Variants in CCDC141 observed in about 807,000 individuals in gnomAD.
CCDC141 encodes the protein coiled-coil domain-containing protein 141.
In CCDC141, 168 loss-of-function variants were observed where a neutral mutation model predicts 181.0. That is an observed-to-expected ratio of 0.93 (90% CI 0.82 to 1.05). CCDC141 has a LOEUF of 1.05. CCDC141 is among the 50% of genes least tolerant of loss of function. CCDC141 has a pLI of 0.00. For missense variants in CCDC141, 1,902 were observed against 1,788.5 expected, an observed-to-expected ratio of 1.06 and a Z score of -1.14; for synonymous variants, 666 against 642.3, an observed-to-expected ratio of 1.04 and a Z score of -0.56.
At chr2:179,008,608 C>A (rs949249225) in intron 2 of CCDC141, among the ~76,000 whole-genome samples, 1 of 152,092 alleles carries the variant, frequency 6.6e-6, no homozygotes, top group African/African-American at 2.4e-5. Flanking sequence ...GTAAAAGCTG[C>A]GAATCTCTTC....
At chr2:178,973,820 T>C (rs986694166) in intron 4 of CCDC141, among the ~76,000 whole-genome samples, 1 of 152,178 alleles carries the variant, frequency 6.6e-6, no homozygotes, top group Admixed American at 6.5e-5. Flanking sequence ...AAGATTGAAT[T>C]GAGACTACAG....
At chr2:179,026,369 G>A (rs1465844382) in intron 2 of CCDC141, among the ~76,000 whole-genome samples, 2 of 152,208 alleles carry the variant, frequency 1.3e-5, no homozygotes, top group African/African-American at 2.4e-5. Flanking sequence ...TAGAGCTCAG[G>A]CCATGGCTTC....
intron 7 of CCDC141, among the ~76,000 whole-genome samples, chr2:178,913,995 T>C (rs1237880382): frequency 1.3e-5 from 2 of 152,248 alleles, no homozygotes; most frequent in Admixed American, 1.3e-4. Flanking sequence ...TATATTTATC[T>C]CTGATTCAAA....
intron 2 of CCDC141, among the ~76,000 whole-genome samples, chr2:178,982,624 G>A (rs572535178): frequency 8.8e-5 from 12 of 137,008 alleles, no homozygotes; most frequent in Admixed American, 3.2e-4. Context: ...TGTGCGAACC[G>A]AAGCAGAGCG....
chr2:178,981,689 G>A (rs1202870791), intron 2 of CCDC141, among the ~76,000 whole-genome samples: 1 of 91,048 alleles, frequency 1.1e-5, no homozygotes, highest in Non-Finnish European at 2.2e-5. Flanking sequence ...TATATAGAGA[G>A]AGAGAGAGAG....
downstream of CCDC141, among the ~76,000 whole-genome samples, chr2:178,828,252 A>G (rs1435759293): frequency 6.6e-6 from 1 of 152,164 alleles, no homozygotes; most frequent in Non-Finnish European, 1.5e-5. Context: ...GGAAATTCAC[A>G]CAGACAGAGA....
At chr2:179,033,202 T>C (rs908711641) in intron 2 of CCDC141, among the ~76,000 whole-genome samples, 1 of 151,616 alleles carries the variant, frequency 6.6e-6, no homozygotes, top group Non-Finnish European at 1.5e-5. Context: ...ATCCACAGAT[T>C]TGATAAACCA....
intron 6 of CCDC141, 130 bp downstream of exon 6, chr2:178,944,405 A>AT (rs375663202): frequency 2.0e-5 from 9 of 454,224 alleles, no homozygotes; most frequent in East Asian, 3.4e-5. Context: ...TTATTGGGAT[A>AT]TTTTTTTACA....
chr2:178,941,021 A>T (rs908539901), intron 6 of CCDC141, among the ~76,000 whole-genome samples: 1 of 152,072 alleles, frequency 6.6e-6, no homozygotes, highest in Non-Finnish European at 1.5e-5. Flanking sequence ...GTGGAAGTCT[A>T]TTTTTCTGTC....
chr2:178,996,828 GA>G (rs891935261), intron 2 of CCDC141, among the ~76,000 whole-genome samples: 5 of 152,180 alleles, frequency 3.3e-5, no homozygotes, highest in Non-Finnish European at 2.9e-5. Flanking sequence ...TTTTCTCGAA[GA>G]AAGTCAGCAG....
At chr2:178,848,242 T>C (rs1475564333) in intron 21 of CCDC141, among the ~76,000 whole-genome samples, 3 of 152,134 alleles carry the variant, frequency 2.0e-5, no homozygotes, top group African/African-American at 7.2e-5. Context: ...CCAGGGAGCA[T>C]AGTAGATCAG....
intron 8 of CCDC141, among the ~76,000 whole-genome samples, chr2:178,896,705 C>T (rs773875026): frequency 1.3e-5 from 2 of 152,112 alleles, no homozygotes; most frequent in African/African-American, 2.4e-5. Context: ...TAGTTCAGAT[C>T]AGCTTTCAAG....
intron 15 of CCDC141, 24 bp downstream of exon 15, chr2:178,869,093 T>C (rs78906510): frequency 6.8e-7 from 1 of 1,465,462 alleles, no homozygotes; most frequent in South Asian, 1.6e-5. Flanking sequence ...TCAGGATTTT[T>C]CAGACATCCC....
In CCDC141 at chr2:178,989,597, AAAAAAAAAAAATAAATAAATAAAT is replaced by A. The variant is rs1322217956; in HGVS notation, c.226-10946_226-10923del. 1.2e-3 allele frequency among the ~76,000 whole-genome samples: 49 copies of A among 41,472 alleles called. 2 individuals are homozygous for A. Among genetic ancestry groups the A allele is most frequent in the Non-Finnish European group, 5.6e-4 (8 of 14,298 alleles). 27.2% of individuals were successfully genotyped at this position (41,472 alleles called of 152,430 possible). A position where few individuals can be genotyped will look rare whatever the true frequency, so the allele number is the denominator to read the frequency against. ...TGAGAGAGCAAGACCCTGCCTCAAAAAAAAAAAAAAATAAATAAATAAATAAATAAATAAATAAATAAATAAAAC... is the reference window on the plus strand; with the variant it reads ...TGAGAGAGCAAGACCCTGCCTCAAAAAAATAAATAAATAAATAAATAAAAC... On this transcript the variant is annotated intron_variant, in intron 2 of 23. Coordinates refer to ENST00000443758, the MANE Select transcript of CCDC141 (RefSeq NM_173648.4).
At chr2:178,867,958 T>G (rs1271568391) in intron 16 of CCDC141, 68 bp downstream of exon 16, 2 of 1,293,016 alleles carry the variant, frequency 1.5e-6, no homozygotes, top group Non-Finnish European at 2.1e-6. Flanking sequence ...TCTGCCTGGT[T>G]TCTTTCATAT....
chr2:178,949,130 A>G (rs1033959236), intron 5 of CCDC141, among the ~76,000 whole-genome samples: 4 of 152,162 alleles, frequency 2.6e-5, no homozygotes, highest in Non-Finnish European at 4.4e-5. Context: ...GGATGTACCA[A>G]AAAGAGTAGG....
intron 2 of CCDC141, among the ~76,000 whole-genome samples, chr2:179,027,646 C>CAAAAAAAAAAAAAAAAAAAAAA (rs71023466): frequency 2.8e-4 from 15 of 53,274 alleles, no homozygotes; most frequent in Non-Finnish European, 3.8e-4. Context: ...CTCTTACTCT[C>CAAAAAAAAAAAAAAAAAAAAAA]AAAAAAAAAA....
At position 178,839,581 on chromosome 2, in the gene CCDC141, CAAAAAAAAAA is replaced by C. The variant is rs58096328; in HGVS notation, c.3475-1847_3475-1838del. 5.2e-3 allele frequency among the ~76,000 whole-genome samples: 308 copies of C among 59,530 alleles called. 23 individuals are homozygous for C. The South Asian group carries it at 0.23, about 44-fold the overall frequency. 39.1% of individuals were successfully genotyped at this position (59,530 alleles called of 152,430 possible). The stretch of plus-strand genomic sequence containing the variant: ...GGCAACAAGAGTGAAACTTCGTCTC[CAAAAAAAAAA>C]AAAAAAAAAAAAAAAATGTGTTTTC... On this transcript the variant is annotated intron_variant, in intron 22 of 23. Transcript: ENST00000443758.
chr2:178,926,413 A>T (rs1438866537), intron 6 of CCDC141: 2 of 152,336 alleles, frequency 1.3e-5, no homozygotes, highest in East Asian at 1.9e-4. Flanking sequence ...TGACTTCTAA[A>T]TCTAAAATTT....
Sources: allele counts gnomAD v4.1 joint callset (sites outside exome capture counted in the v4.1 genomes callset), GRCh38; gene constraint gnomAD v4.1.1; transcripts MANE v1.5; gene names NCBI Gene and HGNC (gene_info 2026-07-23, HGNC 2026-07-21).